ZFYVE16: variants seen among roughly 807,000 people sequenced by gnomAD.
ZFYVE16 encodes the protein zinc finger FYVE domain-containing protein 16.
Under a neutral mutation model 138.1 loss-of-function variants are expected in ZFYVE16, and 89 were observed. That is an observed-to-expected ratio of 0.64 (90% confidence interval 0.54 to 0.77). The LOEUF (loss-of-function observed/expected upper bound fraction) is 0.77. Ranked by LOEUF, ZFYVE16 falls within the 30% of genes least tolerant of loss-of-function variation. The pLI is 0.00. For missense variants in ZFYVE16, 1,793 were observed against 1,786.7 expected, an observed-to-expected ratio of 1.00 and a Z score of -0.06; for synonymous variants, 596 against 618.3, an observed-to-expected ratio of 0.96 and a Z score of 0.53.
At position 80,450,567 on chromosome 5, in the gene ZFYVE16, A is replaced by G. The variant is rs757145381; in HGVS notation, c.3363A>G (p.Ile1121Met). The G allele has an allele frequency of 7.4e-6, 12 of 1,613,378 alleles. No homozygotes were observed. The South Asian group carries it at 1.1e-4, about 15-fold the overall frequency. The change falls in exon 10 of 19, where the codon ATA (isoleucine) becomes ATG (methionine). Residue 1121 changes from isoleucine (I) to methionine (M), a missense_variant. Coordinates refer to ENST00000505560, the MANE Select transcript of ZFYVE16 (RefSeq NM_001284236.3). ...PKDIFRLFIT[I>M]YKDALKGKYI... ...ACATCTTCAGACTATTTATCACCATATATAAGGATGCTCTAAAAGGTATGG... is the reference window on the plus strand; with the variant it reads ...ACATCTTCAGACTATTTATCACCATGTATAAGGATGCTCTAAAAGGTATGG...
intron 1 of ZFYVE16, among the ~76,000 whole-genome samples, chr5:80,412,834 C>G (rs886489592): frequency 6.6e-6 from 1 of 152,036 alleles, no homozygotes; most frequent in Non-Finnish European, 1.5e-5. Context: ...TTATATTTAT[C>G]GAAGGGATAC....
rs1461768314 is a variant in ZFYVE16, at chr5:80,450,585, A to T, written c.3381A>T (p.Lys1127Asn). 7.4e-6 allele frequency: 12 copies of T among 1,612,778 alleles called. No homozygotes were observed. The highest frequency in any genetic ancestry group is 1.0e-5 in the Non-Finnish European group (12 of 1,179,402). Residue 1127 changes from lysine to asparagine, a missense_variant and splice_region_variant, in exon 10 of 19, where the codon AAA (lysine) becomes AAT (asparagine). By Grantham distance (94) the Lys-to-Asn change is moderately conservative. Transcript: ENST00000505560. ...LFITIYKDAL[K>N]GKYIENLDNI... Reference sequence around the variant, plus strand: ...TCACCATATATAAGGATGCTCTAAAAGGTATGGCATTTTATTTTGAACTGT... The same window carrying T: ...TCACCATATATAAGGATGCTCTAAATGGTATGGCATTTTATTTTGAACTGT...
chr5:80,468,442 T>C (rs910131769), intron 15 of ZFYVE16, among the ~76,000 whole-genome samples: 11 of 152,332 alleles, frequency 7.2e-5, no homozygotes, highest in African/African-American at 2.6e-4. Flanking sequence ...TGTAAACCTG[T>C]ACAGCATGTT....
Sources: gnomAD v4.1 joint callset for allele counts (sites outside exome capture counted in the v4.1 genomes callset) on GRCh38, gnomAD v4.1.1 for gene constraint, MANE v1.5 for transcripts, NCBI Gene and HGNC (gene_info 2026-07-23, HGNC 2026-07-21) for gene names.